ATRX: variants seen among roughly 807,000 people sequenced by gnomAD.
ATRX encodes the protein chromatin remodeler ATRX.
Under a neutral mutation model 172.6 loss-of-function variants are expected in ATRX, and 12 were observed. That is an observed-to-expected ratio of 0.07 (90% CI 0.04 to 0.11). The LOEUF (loss-of-function observed/expected upper bound fraction) is 0.11, where lower values mean the gene tolerates loss of function less well. Among genes scored for constraint, ATRX ranks in the 10% least tolerant of loss-of-function variants. The pLI, the probability that ATRX is intolerant of heterozygous loss-of-function variation, is 1.00. For missense variants in ATRX, 1,368 were observed against 1,767.4 expected (o/e 0.77, Z 4.05); for synonymous variants, 674 against 594.7 (o/e 1.13, Z -1.94).
intron 2 of ATRX, among the ~76,000 whole-genome samples, chrX:77,706,151 T>A (rs1557156893): frequency 1.0e-5 from 1 of 97,679 alleles, no homozygotes. Context: ...TACGCCTGGC[T>A]TTTTTTTTTT....
chrX:77,734,722 GGCT>G (rs2074460400), intron 1 of ATRX, among the ~76,000 whole-genome samples: 1 of 110,778 alleles, frequency 9.0e-6, no homozygotes, highest in Admixed American at 9.6e-5. Context: ...AGGAGGCAGA[GGCT>G]GCATGCAGTG....
At chrX:77,723,905 GGGT>G (rs1557170912) in intron 1 of ATRX, among the ~76,000 whole-genome samples, 1 of 111,685 alleles carries the variant, frequency 9.0e-6, no homozygotes, top group East Asian at 2.8e-4. Flanking sequence ...TTCACACTGT[GGGT>G]GACCAAGGTT....
chrX:77,540,605 TAACA>T lies in ATRX; in HGVS notation c.6699+16842_6699+16845del, dbSNP rs879963579. Among the ~76,000 whole-genome samples, 11 of 111,967 alleles carry T rather than the reference TAACA, an allele frequency of 9.8e-5. No homozygotes were observed. The South Asian group carries it at 3.0e-3, about 30-fold the overall frequency. Reference sequence around the variant, plus strand: ...AGCAAATGCAAAAGAATGGAAATCATAACAAACAGTCTCTCAGAACACAGCGCAA... The same window carrying T: ...AGCAAATGCAAAAGAATGGAAATCATAACAGTCTCTCAGAACACAGCGCAA... On this transcript the variant is annotated intron_variant, in intron 30 of 34. Coordinates refer to ENST00000373344, the MANE Select transcript of ATRX (RefSeq NM_000489.6).
At chrX:77,759,388 T>C (rs1557191791) in intron 1 of ATRX, among the ~76,000 whole-genome samples, 1 of 109,086 alleles carries the variant, frequency 9.2e-6, no homozygotes, top group East Asian at 2.8e-4. Context: ...TATCCACCAG[T>C]AGCAAACTAT....
intron 1 of ATRX, among the ~76,000 whole-genome samples, chrX:77,721,426 C>G (rs1471960129): frequency 2.7e-5 from 3 of 111,699 alleles, no homozygotes; most frequent in Non-Finnish European, 5.6e-5. Context: ...TTAGAAAACC[C>G]CACCATCTCA....
intron 30 of ATRX, among the ~76,000 whole-genome samples, chrX:77,549,890 C>A (rs1488937999): frequency 2.7e-5 from 3 of 111,615 alleles, no homozygotes; most frequent in Non-Finnish European, 5.6e-5. Flanking sequence ...GAGGCCAAGG[C>A]AGGAGGATCA....
chrX:77,594,144 G>A, intron 25 of ATRX: 1 of 203,529 alleles, frequency 4.9e-6, no homozygotes. Context: ...AAACCCTCGG[G>A]GTAGGAGTGG....
At chrX:77,673,901 C>A (rs1273181178) in intron 10 of ATRX, 1 of 110,476 alleles carries the variant, frequency 9.1e-6, no homozygotes, top group Non-Finnish European at 1.9e-5. Flanking sequence ...TATGTCAACT[C>A]TCATGATATA....
intron 6 of ATRX, among the ~76,000 whole-genome samples, chrX:77,690,181 T>C (rs1428865653): frequency 9.0e-6 from 1 of 111,613 alleles, no homozygotes; most frequent in Non-Finnish European, 1.9e-5. Context: ...GCTCAAGCAA[T>C]CCTCCTACCT....
intron 11 of ATRX, among the ~76,000 whole-genome samples, chrX:77,663,969 C>T (rs1259613908): frequency 1.8e-5 from 2 of 109,722 alleles, no homozygotes; most frequent in Non-Finnish European, 3.8e-5. Flanking sequence ...GGTGTGGTGG[C>T]GCATGCCTAT....
chrX:77,778,613 C>A (rs1296810919), intron 1 of ATRX, among the ~76,000 whole-genome samples: 3 of 106,712 alleles, frequency 2.8e-5, no homozygotes, highest in African/African-American at 1.0e-4. Flanking sequence ...CCAAGCTACT[C>A]GGGAAGCTGA....
chrX:77,704,011 A>C (rs1359065367), intron 2 of ATRX, among the ~76,000 whole-genome samples: 1 of 111,261 alleles, frequency 9.0e-6, no homozygotes, highest in Non-Finnish European at 1.9e-5. Context: ...TCCTCTCAGC[A>C]GCTGATTATC....
intron 1 of ATRX, among the ~76,000 whole-genome samples, chrX:77,726,888 C>T (rs782728856): frequency 1.8e-5 from 2 of 109,217 alleles, no homozygotes; most frequent in East Asian, 5.7e-4. Context: ...GCTTTTTTAC[C>T]GATGAGGAAT....
chrX:77,572,416 G>A (rs1250608273), intron 28 of ATRX, among the ~76,000 whole-genome samples: 1 of 111,352 alleles, frequency 9.0e-6, no homozygotes, highest in Non-Finnish European at 1.9e-5. Flanking sequence ...GCACCCCCAA[G>A]CATTTTGGAT....
At chrX:77,770,515 T>G (rs1228558319) in intron 1 of ATRX, among the ~76,000 whole-genome samples, 1 of 111,915 alleles carries the variant, frequency 8.9e-6, no homozygotes, top group Non-Finnish European at 1.9e-5. Flanking sequence ...ACAGAGGCAC[T>G]GAAAACAACA....
chrX:77,677,665 AT>A (rs10710622), intron 9 of ATRX, among the ~76,000 whole-genome samples: 8,439 of 98,585 alleles, frequency 0.086, 598 homozygotes, highest in African/African-American at 0.23. Context: ...ACCTCCCTGT[AT>A]TTTTTTTTTT....
At chrX:77,574,383 A>G in intron 27 of ATRX, 25 bp from the exon 28 acceptor site, 2 of 1,093,726 alleles carry the variant, frequency 1.8e-6, no homozygotes, top group Non-Finnish European at 1.3e-6. Flanking sequence ...AAAGAACACA[A>G]AAGGAATTTG....
intron 12 of ATRX, among the ~76,000 whole-genome samples, chrX:77,659,471 CTT>C (rs1373720720): frequency 9.7e-5 from 8 of 82,080 alleles, no homozygotes; most frequent in Admixed American, 1.6e-4. Flanking sequence ...TGCTTTTTTT[CTT>C]TCTCTCTCTA....
chrX:77,541,277 G>C (rs1468449721), intron 30 of ATRX, among the ~76,000 whole-genome samples: 6 of 112,039 alleles, frequency 5.4e-5, no homozygotes, highest in Non-Finnish European at 1.1e-4. Flanking sequence ...GGAAGAAGTC[G>C]AATCTGTGAA....
Sources: allele counts gnomAD v4.1 joint callset (sites outside exome capture counted in the v4.1 genomes callset), GRCh38; gene constraint gnomAD v4.1.1; transcripts MANE v1.5; gene names NCBI Gene and HGNC (gene_info 2026-07-23, HGNC 2026-07-21).